STK3: variants seen among roughly 807,000 people sequenced by gnomAD.
STK3 encodes the protein serine/threonine kinase 3.
Under a neutral mutation model 58.0 loss-of-function variants are expected in STK3, and 41 were observed. The observed-to-expected ratio is 0.71, with a 90% CI of 0.55 to 0.92. STK3 has a LOEUF of 0.92. Among genes scored for constraint, STK3 ranks in the 40% least tolerant of loss-of-function variants. The pLI is 0.00. For missense variants in STK3, 479 were observed against 602.7 expected (o/e 0.79, Z 2.15); for synonymous variants, 170 against 191.0 (o/e 0.89, Z 0.91).
At chr8:98,353,394 G>A in the STK3 span, among the ~76,000 whole-genome samples, 1 of 152,204 alleles carries the variant, frequency 6.6e-6, no homozygotes, top group Non-Finnish European at 1.5e-5. Context: ...GGGAGGCTGA[G>A]GCGGGAGGAT....
At chr8:98,570,207 C>T (rs1387993255) in intron 8 of STK3, among the ~76,000 whole-genome samples, 1 of 151,546 alleles carries the variant, frequency 6.6e-6, no homozygotes, top group African/African-American at 2.4e-5. Flanking sequence ...TGGCTCACTG[C>T]AGCCTCAACT....
intron 3 of STK3, among the ~76,000 whole-genome samples, chr8:98,852,616 C>T (rs945021977): frequency 1.3e-5 from 2 of 152,166 alleles, no homozygotes; most frequent in African/African-American, 2.4e-5. Context: ...CTCATCTTTT[C>T]CTTGAGATTT....
At chr8:98,713,230 A>C (rs1459105264) in intron 4 of STK3, among the ~76,000 whole-genome samples, 1 of 152,088 alleles carries the variant, frequency 6.6e-6, no homozygotes, top group Non-Finnish European at 1.5e-5. Flanking sequence ...AAGAACTAGA[A>C]AAGCAAGAGC....
Position 98,774,774 on chromosome 8 carries a change from T to C in STK3, c.72A>G (p.Glu24=), listed in dbSNP as rs758110546. Residue 24 remains glutamate (E), a synonymous_variant, in exon 2 of 11, where the codon GAA becomes GAG. Coordinates refer to ENST00000419617, the MANE Select transcript of STK3 (RefSeq NM_006281.4). ...LSEDSLTKQP[E]EVFDVLEKLG... ...GCTTCTCTAATACATCAAAAACTTC[T>C]TCAGGCTGCTTAGTCAAACTGTCTT... 5.7e-6 allele frequency: 9 copies of C among 1,587,002 alleles called. No homozygotes were observed. The highest frequency in any genetic ancestry group is 3.6e-5 in the Admixed American group (2 of 56,210).
At chr8:98,506,691 C>T (rs546897853) in intron 10 of STK3, among the ~76,000 whole-genome samples, 5 of 150,752 alleles carry the variant, frequency 3.3e-5, no homozygotes, top group African/African-American at 4.9e-5. Context: ...CCAGCCTAGG[C>T]GACAGAGCAA....
Position 98,632,994 on chromosome 8 carries a change from C to T in STK3, c.685-36825G>A, listed in dbSNP as rs538161541. Among the ~76,000 whole-genome samples, 10 of 152,088 alleles carry T rather than the reference C, an allele frequency of 6.6e-5. No individual in the cohort carries two copies. The South Asian group carries it at 1.2e-3, about 19-fold the overall frequency. On this transcript the variant is annotated intron_variant, in intron 6 of 10. Transcript: ENST00000419617. ...ATTTAATAATTAGTATGTCATAAAG[C>T]GTAGTATTAGATACTGAAGACACAA...
Position 98,501,252 on chromosome 8 carries a change from GTTTTT to G in STK3, c.1317+25485_1317+25489del, listed in dbSNP as rs553236845. Among the ~76,000 whole-genome samples the G allele has an allele frequency of 1.7e-3, 255 of 148,268 alleles. 2 individuals carry two copies. Among genetic ancestry groups the G allele is most frequent in the African/African-American group, 5.9e-3 (238 of 40,604 alleles). On this transcript the variant is annotated intron_variant, in intron 10 of 10. Transcript: ENST00000419617. ...CATATCCTTTGCCCACTTTTTGATG[GTTTTT>G]TTTTTCTTGTCAATTTGTTTAAGTT...
At chr8:98,347,778 TA>T in the STK3 span, among the ~76,000 whole-genome samples, 8 of 152,078 alleles carry the variant, frequency 5.3e-5, no homozygotes, top group Admixed American at 2.0e-4. Context: ...AAGATACAAA[TA>T]GATTAAAGGT....
chr8:98,598,607 T>A, intron 6 of STK3: 1 of 985,416 alleles, frequency 1.0e-6, no homozygotes, highest in Non-Finnish European at 1.2e-6. Flanking sequence ...CTAGGTTTTA[T>A]ATGAGTTGAT....
chr8:98,696,841 G>A (rs1440527227), intron 6 of STK3, among the ~76,000 whole-genome samples: 1 of 152,186 alleles, frequency 6.6e-6, no homozygotes, highest in Non-Finnish European at 1.5e-5. Context: ...GTCTCTGTCA[G>A]GCTTTGGTAT....
chr8:98,588,820 C>T (rs1178764314), intron 7 of STK3, among the ~76,000 whole-genome samples: 14 of 151,876 alleles, frequency 9.2e-5, no homozygotes, highest in African/African-American at 3.4e-4. Flanking sequence ...TTTCTCTAAA[C>T]TTCCCTTCTC....
At chr8:98,740,327 T>C (rs1176887744) in intron 4 of STK3, among the ~76,000 whole-genome samples, 2 of 152,068 alleles carry the variant, frequency 1.3e-5, no homozygotes, top group Non-Finnish European at 2.9e-5. Flanking sequence ...GGAAAAAATG[T>C]TAAGGGCAGC....
chr8:98,676,781 A>C (rs1271652311), intron 6 of STK3, among the ~76,000 whole-genome samples: 5 of 152,172 alleles, frequency 3.3e-5, no homozygotes, highest in Admixed American at 1.3e-4. Context: ...TAAAATGGTG[A>C]ATTTATGCTT....
intron 3 of STK3, among the ~76,000 whole-genome samples, chr8:98,838,813 A>G (rs1292203383): frequency 2.6e-5 from 4 of 151,702 alleles, no homozygotes; most frequent in Non-Finnish European, 5.9e-5. Context: ...AACTTCACCA[A>G]ACTCTCAAGG....
chr8:98,662,317 T>C (rs1822026418), intron 6 of STK3, among the ~76,000 whole-genome samples: 1 of 152,212 alleles, frequency 6.6e-6, no homozygotes, highest in Non-Finnish European at 1.5e-5. Flanking sequence ...CTTCAAAATA[T>C]TTTATTCAAG....
At chr8:98,417,175 G>C (rs140596609) in intron 3 of STK3, among the ~76,000 whole-genome samples, 1 of 152,206 alleles carries the variant, frequency 6.6e-6, no homozygotes, top group Non-Finnish European at 1.5e-5. Context: ...AATCCCAGGG[G>C]TGGGGGAGTG....
intron 8 of STK3, among the ~76,000 whole-genome samples, chr8:98,557,260 G>C (rs1447223093): frequency 6.6e-6 from 1 of 152,014 alleles, no homozygotes; most frequent in Non-Finnish European, 1.5e-5. Context: ...GAGTTAGAAA[G>C]GCAAAAATCA....
At chr8:98,534,783 TAG>T (rs1209120822) in intron 9 of STK3, among the ~76,000 whole-genome samples, 1 of 152,212 alleles carries the variant, frequency 6.6e-6, no homozygotes, top group African/African-American at 2.4e-5. Flanking sequence ...TATACTAAAA[TAG>T]AGTCTAGGAA....
At chr8:98,896,610 A>G (rs1838454928) in intron 1 of STK3, among the ~76,000 whole-genome samples, 1 of 152,174 alleles carries the variant, frequency 6.6e-6, no homozygotes. Flanking sequence ...CACATTCTTG[A>G]TTTGACCAAG....
Sources: gnomAD v4.1 joint callset for allele counts (sites outside exome capture counted in the v4.1 genomes callset) on GRCh38, gnomAD v4.1.1 for gene constraint, MANE v1.5 for transcripts, NCBI Gene and HGNC (gene_info 2026-07-23, HGNC 2026-07-21) for gene names.